KCND2: variants seen among roughly 807,000 people sequenced by gnomAD.
The protein encoded by KCND2 is A-type voltage-gated potassium channel KCND2.
Under a neutral mutation model 54.4 loss-of-function variants are expected in KCND2, and 16 were observed. The ratio of observed to expected loss-of-function variants is 0.29; its 90% CI spans 0.20 to 0.45. The LOEUF is 0.45. Among genes scored for constraint, KCND2 ranks in the 20% least tolerant of loss-of-function variants. The pLI is 1.00. For missense variants in KCND2, 486 were observed against 824.2 expected (o/e 0.59, Z 5.02); for synonymous variants, 317 against 310.7 (o/e 1.02, Z -0.21).
chr7:120,454,587 G>A (rs1363686095), intron 1 of KCND2, among the ~76,000 whole-genome samples: 6 of 152,096 alleles, frequency 3.9e-5, no homozygotes, highest in Admixed American at 3.3e-4. Flanking sequence ...AAAAAAATTC[G>A]GACCAGATGG....
At chr7:120,602,143 A>G (rs1792821241) in intron 1 of KCND2, among the ~76,000 whole-genome samples, 2 of 152,214 alleles carry the variant, frequency 1.3e-5, no homozygotes, top group South Asian at 4.1e-4. Flanking sequence ...TAAATAGTAA[A>G]GTCATGTAAA....
intron 1 of KCND2, among the ~76,000 whole-genome samples, chr7:120,594,622 T>A (rs763284232): frequency 1.3e-5 from 2 of 152,308 alleles, no homozygotes; most frequent in Middle Eastern, 3.4e-3. Context: ...CAGATTGGCA[T>A]TGGGAAATCA....
chr7:120,322,316 C>T (rs1012620701), intron 1 of KCND2, among the ~76,000 whole-genome samples: 1 of 151,998 alleles, frequency 6.6e-6, no homozygotes, highest in African/African-American at 2.4e-5. Context: ...GCCACTTGTT[C>T]TATATTACTT....
rs1799142212 is a variant in KCND2, at chr7:120,274,532, A to G, written c.-101A>G. 7.5e-7 allele frequency: 1 copy of G among 1,333,216 alleles called. No homozygotes were observed. The highest frequency in any genetic ancestry group is 1.2e-5 in the South Asian group (1 of 84,708). 82.6% of individuals were successfully genotyped at this position (1,333,216 alleles called of 1,614,324 possible). A position where few individuals can be genotyped will look rare whatever the true frequency, so the allele number is the denominator to read the frequency against. Reference sequence around the variant, plus strand: ...GTTACACCTCTGGACCACGTTTCTCACTAGTACTTTGCTTGACTGGAGGAA... The same window carrying G: ...GTTACACCTCTGGACCACGTTTCTCGCTAGTACTTTGCTTGACTGGAGGAA... On this transcript the variant is annotated 5_prime_UTR_variant, in exon 1 of 6. Coordinates refer to ENST00000331113, the MANE Select transcript of KCND2 (RefSeq NM_012281.3).
At chr7:120,670,758 T>C (rs138016306) in intron 1 of KCND2, among the ~76,000 whole-genome samples, 1,926 of 151,728 alleles carry the variant, frequency 0.013, 39 homozygotes, top group African/African-American at 0.042. Context: ...CTACTAAAAA[T>C]ACAAAAAATT....
intron 1 of KCND2, among the ~76,000 whole-genome samples, chr7:120,727,429 T>A (rs1417103374): frequency 1.3e-5 from 2 of 152,202 alleles, no homozygotes; most frequent in Non-Finnish European, 2.9e-5. Flanking sequence ...AATGGATGCA[T>A]TGTCTGCCTG....
At chr7:120,299,112 A>T (rs535885644) in intron 1 of KCND2, among the ~76,000 whole-genome samples, 1 of 152,244 alleles carries the variant, frequency 6.6e-6, no homozygotes, top group African/African-American at 2.4e-5. Context: ...GTGAGCTGAG[A>T]TTGTGCCACA....
At chr7:120,531,034 A>G (rs985002413) in intron 1 of KCND2, among the ~76,000 whole-genome samples, 6 of 152,020 alleles carry the variant, frequency 3.9e-5, no homozygotes, top group African/African-American at 1.2e-4. Context: ...CTGCCAGCCT[A>G]TATGTGAGCA....
intron 1 of KCND2, among the ~76,000 whole-genome samples, chr7:120,343,230 G>C (rs564601057): frequency 2.6e-5 from 4 of 152,232 alleles, no homozygotes; most frequent in African/African-American, 9.6e-5. Context: ...CTAAATATGG[G>C]CCAGTGTGTG....
chr7:120,684,390 TATAAC>T lies in KCND2; in HGVS notation c.1116-48511_1116-48507del, dbSNP rs557753672. 4.1e-4 allele frequency among the ~76,000 whole-genome samples: 62 copies of T among 152,290 alleles called. 1 individual carries two copies. The South Asian group carries it at 0.013, about 31-fold the overall frequency. On this transcript the variant is annotated intron_variant, in intron 1 of 5. Coordinates refer to ENST00000331113, the MANE Select transcript of KCND2 (RefSeq NM_012281.3). Reference sequence around the variant, plus strand: ...AGTACAACATGTACTTCTGGAATATTATAACAAGATATGTAAATTTCCTTCTTGGT... The same window carrying T: ...AGTACAACATGTACTTCTGGAATATTAAGATATGTAAATTTCCTTCTTGGT...
chr7:120,607,569 T>G (rs1332720053), intron 1 of KCND2, among the ~76,000 whole-genome samples: 4 of 152,150 alleles, frequency 2.6e-5, no homozygotes, highest in Admixed American at 1.3e-4. Context: ...ACTTCTGTGC[T>G]TAAGACACTG....
At chr7:120,532,326 G>A (rs192976192) in intron 1 of KCND2, among the ~76,000 whole-genome samples, 1 of 150,988 alleles carries the variant, frequency 6.6e-6, no homozygotes, top group African/African-American at 2.5e-5. Flanking sequence ...AATAGACAAT[G>A]AACTTTAAAA....
chr7:120,398,019 ATATATATATATATATATATT>A (rs1801184664), intron 1 of KCND2, among the ~76,000 whole-genome samples: 2 of 134,126 alleles, frequency 1.5e-5, no homozygotes, highest in South Asian at 2.2e-4. Context: ...ATATATATAT[ATATATATATATATATATATT>A]TGCTCTTTTT....
intron 1 of KCND2, among the ~76,000 whole-genome samples, chr7:120,456,482 A>G (rs560069772): frequency 1.3e-5 from 2 of 152,334 alleles, no homozygotes; most frequent in South Asian, 4.1e-4. Flanking sequence ...ATATCAATAT[A>G]GCAACTAGAG....
Position 120,401,648 on chromosome 7 carries a change from C to T in KCND2, c.1115+125901C>T, listed in dbSNP as rs527299276. Among the ~76,000 whole-genome samples the T allele has an allele frequency of 2.3e-4, 35 of 152,138 alleles. No individual in the cohort carries two copies. In the East Asian group the frequency reaches 6.2e-3, roughly 27 times the overall value. On this transcript the variant is annotated intron_variant, in intron 1 of 5. Transcript: ENST00000331113. ...TTACTGTGTTTATAAGGCGTCAGTC[C>T]TCTTCCCCCCATCTTTAGCCACACA...
At chr7:120,362,154 A>G (rs1224904223) in intron 1 of KCND2, among the ~76,000 whole-genome samples, 1 of 152,146 alleles carries the variant, frequency 6.6e-6, no homozygotes, top group Non-Finnish European at 1.5e-5. Context: ...GTAGTAGAAG[A>G]AAGAGCTGCT....
At chr7:120,489,945 A>G (rs1802753560) in intron 1 of KCND2, among the ~76,000 whole-genome samples, 1 of 152,168 alleles carries the variant, frequency 6.6e-6, no homozygotes. Context: ...TGGGCCAGCC[A>G]GATGCAGCAA....
intron 1 of KCND2, among the ~76,000 whole-genome samples, chr7:120,696,502 T>C (rs984196089): frequency 1.3e-4 from 20 of 152,226 alleles, no homozygotes; most frequent in African/African-American, 4.8e-4. Flanking sequence ...TAAATTGTAT[T>C]GTTTGATCAA....
intron 1 of KCND2, among the ~76,000 whole-genome samples, chr7:120,590,229 C>T (rs1255736103): frequency 2.0e-5 from 3 of 151,946 alleles, no homozygotes; most frequent in Admixed American, 6.6e-5. Flanking sequence ...ATATTGGCCC[C>T]GCTGGTCTCG....
Sources: gnomAD v4.1 joint callset for allele counts (sites outside exome capture counted in the v4.1 genomes callset) on GRCh38, gnomAD v4.1.1 for gene constraint, MANE v1.5 for transcripts, NCBI Gene and HGNC (gene_info 2026-07-23, HGNC 2026-07-21) for gene names.